MORC2: variants seen among roughly 807,000 people sequenced by gnomAD.
The protein encoded by MORC2 is ATPase MORC2.
In MORC2, 30 loss-of-function variants were observed where a neutral mutation model predicts 136.0. The observed-to-expected ratio is 0.22, with a 90% confidence interval of 0.17 to 0.30. MORC2 has a LOEUF of 0.30. Among genes scored for constraint, MORC2 ranks in the 10% least tolerant of loss-of-function variants. The pLI, the probability that MORC2 is intolerant of heterozygous loss-of-function variation, is 1.00. For synonymous variants in MORC2, 439 were observed against 487.0 expected (o/e 0.90, Z 1.30); for missense variants, 922 against 1,333.1 (o/e 0.69, Z 4.80).
At chr22:30,931,733 C>CCTTTCTATCCA (rs1407358565) in intron 24 of MORC2, among the ~76,000 whole-genome samples, 1 of 152,236 alleles carries the variant, frequency 6.6e-6, no homozygotes, top group Admixed American at 6.5e-5. Flanking sequence ...CCCTCCATAG[C>CCTTTCTATCCA]CTTTCTATCC....
At chr22:30,961,627 C>T (rs2041046505) in intron 1 of MORC2, among the ~76,000 whole-genome samples, 1 of 152,140 alleles carries the variant, frequency 6.6e-6, no homozygotes, top group South Asian at 2.1e-4. Flanking sequence ...AACAAGAGCA[C>T]AACCATAGTA....
rs776286972 is a variant in MORC2 at position 30,932,638 on chromosome 22, T to C, written c.2654A>G (p.Glu885Gly). 2 of 1,614,038 alleles carry C rather than the reference T, an allele frequency of 1.2e-6. No homozygotes were observed. Among genetic ancestry groups the C allele is most frequent in the African/African-American group, 2.7e-5 (2 of 74,910 alleles). Residue 885 changes from glutamate (E) to glycine (G), a missense_variant, in exon 23 of 26, where the codon GAG becomes GGG. Glu to Gly is a moderately conservative substitution (Grantham distance 98). Coordinates refer to ENST00000397641, the MANE Select transcript of MORC2 (RefSeq NM_001303256.3). This position sits in a 1 kb window ranked among gnomAD's most constrained non-coding sequence, Gnocchi z 4.4. ...GCGGAGGCATTCGGAAGTGGAGGGC[T>C]CTGCGACAGCTATGGCCTGCTGGGC... The part of the protein sequence containing the change: ...PVAQQAIAVA[E>G]PSTSECLRIE...
At chr22:30,948,479 G>A (rs998899799) in intron 5 of MORC2, among the ~76,000 whole-genome samples, 2 of 152,204 alleles carry the variant, frequency 1.3e-5, no homozygotes, top group Admixed American at 6.5e-5. Context: ...ATCAAAGGAG[G>A]AGAAATAAAG....
chr22:30,945,789 A>G (rs2147275135), intron 6 of MORC2, among the ~76,000 whole-genome samples: 1 of 152,262 alleles, frequency 6.6e-6, no homozygotes, highest in East Asian at 1.9e-4. Context: ...CACTCCCAAG[A>G]CGAGACCCAC....
chr22:30,955,330 T>C (rs139350574), intron 3 of MORC2, among the ~76,000 whole-genome samples: 1 of 152,170 alleles, frequency 6.6e-6, no homozygotes, highest in Admixed American at 6.5e-5. Context: ...TACTTTCTTC[T>C]AGAGAGAAAA....
Position 30,932,214 on chromosome 22 carries a change from G to C in MORC2, c.2841+145C>G, listed in dbSNP as rs765956553. On this transcript the variant is annotated intron_variant, in intron 24 of 25. Transcript: ENST00000397641. The surrounding 1 kb of genome is among the most constrained non-coding windows in gnomAD (Gnocchi z 4.4). ...ATAAACTCTCCTCTTCTTTCAGCAG[G>C]AGAGAGGCTGGCTGAGATGGAGCAC... The C allele has an allele frequency of 8.7e-5, 67 of 771,294 alleles. No individual in the cohort carries two copies. Among genetic ancestry groups the C allele is most frequent in the Non-Finnish European group, 1.3e-4 (62 of 471,898 alleles). 47.8% of individuals were successfully genotyped at this position (771,294 alleles called of 1,614,324 possible).
At chr22:30,963,989 AC>A (rs2041087892) in intron 1 of MORC2, among the ~76,000 whole-genome samples, 1 of 152,228 alleles carries the variant, frequency 6.6e-6, no homozygotes. Flanking sequence ...AGCCTGCTCA[AC>A]AGCCTTAAAG....
intron 1 of MORC2, among the ~76,000 whole-genome samples, chr22:30,964,905 CTATTA>C (rs2041102923): frequency 1.5e-5 from 2 of 134,472 alleles, no homozygotes; most frequent in African/African-American, 6.2e-5. Context: ...TTTATATAAA[CTATTA>C]TAGAGTAACA....
intron 1 of MORC2, among the ~76,000 whole-genome samples, chr22:30,960,195 G>A (rs2041023259): frequency 6.6e-6 from 1 of 152,114 alleles, no homozygotes; most frequent in Admixed American, 6.6e-5. Context: ...TCAAACTCCT[G>A]ACCTCAGGTG....
chr22:30,956,534 G>T (rs985587625), intron 3 of MORC2, among the ~76,000 whole-genome samples: 3 of 152,164 alleles, frequency 2.0e-5, no homozygotes, highest in African/African-American at 7.2e-5. Flanking sequence ...TATTTACATA[G>T]ATTTGGATAC....
At chr22:30,967,245 T>A in intron 1 of MORC2, 1 of 986,168 alleles carries the variant, frequency 1.0e-6, no homozygotes, top group African/African-American at 1.7e-5. Flanking sequence ...TGTGGAAATT[T>A]TGGGGAAAGA....
chr22:30,950,353 C>CCAAAAAAA, intron 4 of MORC2, 24 bp downstream of exon 4: 4 of 1,481,918 alleles, frequency 2.7e-6, no homozygotes, highest in Non-Finnish European at 2.8e-6. Context: ...CCCCACCCCC[C>CCAAAAAAA]AAAACAATAA....
chr22:30,933,620 CT>C lies in MORC2; in HGVS notation c.2326-101del, dbSNP rs1276000474. ...GGGTCATCAGCCATCATCTTCACGA[CT>C]TCCTGTGCTACAGTTTAAATCACCA... On this transcript the variant is annotated intron_variant, in intron 20 of 25. Transcript: ENST00000397641. 15 of 1,170,584 alleles carry C rather than the reference CT, an allele frequency of 1.3e-5. No homozygotes were observed. In the Admixed American group the frequency reaches 2.5e-4, roughly 20 times the overall value. 72.5% of individuals were successfully genotyped at this position (1,170,584 alleles called of 1,614,324 possible).
rs1214317720 is a variant in MORC2, at chr22:30,934,223, G to A, written c.2194-32C>T. ...CAAGAGGAGCGTGAGGATGTGAGGG[G>A]CCCTGTTCAGCCTCTAAGGAGCAGG... is the stretch of plus-strand genomic sequence containing the variant. On this transcript the variant is annotated intron_variant, in intron 19 of 25. Coordinates refer to ENST00000397641, the MANE Select transcript of MORC2 (RefSeq NM_001303256.3). The surrounding 1 kb of genome is among the most constrained non-coding windows in gnomAD (Gnocchi z 4.4). 3 of 1,613,694 alleles carry A rather than the reference G, an allele frequency of 1.9e-6. No homozygotes were observed. The highest frequency in any genetic ancestry group is 1.7e-6 in the Non-Finnish European group (2 of 1,179,774).
intron 1 of MORC2, among the ~76,000 whole-genome samples, chr22:30,966,480 G>C (rs1327293121): frequency 6.6e-6 from 1 of 152,124 alleles, no homozygotes; most frequent in African/African-American, 2.4e-5. Context: ...ATTCAACCTA[G>C]GTGACTGCTA....
chr22:30,958,761 T>C (rs2147308938), intron 1 of MORC2, 67 bp from the exon 2 acceptor site: 1 of 1,368,120 alleles, frequency 7.3e-7, no homozygotes, highest in Non-Finnish European at 1.0e-6. Flanking sequence ...TAAAAAGCCA[T>C]GGTTATAAAA....
In MORC2 at chr22:30,956,861, G is replaced by A. The variant is rs2040974261; in HGVS notation, c.123-64C>T. 4 of 1,277,176 alleles carry A rather than the reference G, an allele frequency of 3.1e-6. No homozygotes were observed. The Admixed American group carries it at 8.2e-5, about 26-fold the overall frequency. The allele number at this position is 1,277,176 out of a possible 1,614,324, so 79.1% of individuals were successfully genotyped here. A position where few individuals can be genotyped will look rare whatever the true frequency, so the allele number is the denominator to read the frequency against. Reference sequence around the variant, plus strand: ...GAAATATCAACCATCAAAATGCATAGTGATTTGAGTAGAATGCAGAGTATT... The same window carrying A: ...GAAATATCAACCATCAAAATGCATAATGATTTGAGTAGAATGCAGAGTATT... On this transcript the variant is annotated intron_variant, in intron 2 of 25. Coordinates refer to ENST00000397641, the MANE Select transcript of MORC2 (RefSeq NM_001303256.3).
chr22:30,934,719 C>T lies in MORC2; in HGVS notation c.2193+62G>A. 4.4e-6 allele frequency: 7 copies of T among 1,578,720 alleles called. No individual in the cohort carries two copies. The highest frequency in any genetic ancestry group is 2.2e-5 in the East Asian group (1 of 44,564). On this transcript the variant is annotated intron_variant, in intron 19 of 25. Coordinates refer to ENST00000397641, the MANE Select transcript of MORC2 (RefSeq NM_001303256.3). The surrounding 1 kb of genome is among the most constrained non-coding windows in gnomAD (Gnocchi z 4.4). The stretch of plus-strand genomic sequence containing the variant: ...CTCCCCCAGTACAGCTGTGACACTG[C>T]ACAATTCCATTCCTACACTACTGAC...
intron 1 of MORC2, among the ~76,000 whole-genome samples, chr22:30,960,006 C>A (rs142563262): frequency 6.6e-6 from 1 of 152,266 alleles, no homozygotes; most frequent in East Asian, 1.9e-4. Flanking sequence ...TCGCTCTTGT[C>A]GCCCAGGCTG....
Sources: gnomAD v4.1 joint callset for allele counts (sites outside exome capture counted in the v4.1 genomes callset) on GRCh38, gnomAD v4.1.1 for gene constraint, Gnocchi (gnomAD v3.1) non-coding constraint, MANE v1.5 for transcripts, NCBI Gene and HGNC (gene_info 2026-07-23, HGNC 2026-07-21) for gene names.